Variants in DLGAP1 observed in about 807,000 individuals in gnomAD.
DLGAP1 encodes disks large-associated protein 1.
A neutral mutation model predicts 90.8 loss-of-function variants in DLGAP1; 11 were observed. The observed-to-expected ratio is 0.12, with a 90% confidence interval of 0.08 to 0.20. DLGAP1 has a LOEUF of 0.20. Among genes scored for constraint, DLGAP1 ranks in the 10% least tolerant of loss-of-function variants. DLGAP1 has a pLI of 1.00. For synonymous variants in DLGAP1, 558 were observed against 540.7 expected (o/e 1.03, Z -0.44); for missense variants, 1,050 against 1,333.8 (o/e 0.79, Z 3.31).
At chr18:4,409,449 T>C (rs539099257) in intron 1 of DLGAP1, among the ~76,000 whole-genome samples, 1 of 152,340 alleles carries the variant, frequency 6.6e-6, no homozygotes, top group East Asian at 1.9e-4. Flanking sequence ...TTCTTATCTC[T>C]ATCACAGAAT....
At chr18:3,946,876 T>A (rs1357820314) in intron 3 of DLGAP1, among the ~76,000 whole-genome samples, 1 of 152,234 alleles carries the variant, frequency 6.6e-6, no homozygotes, top group Admixed American at 6.5e-5. Context: ...TCATTTCATT[T>A]AAACCTTGAC....
At chr18:4,105,813 G>A (rs1354415870) in intron 2 of DLGAP1, among the ~76,000 whole-genome samples, 1 of 151,992 alleles carries the variant, frequency 6.6e-6, no homozygotes, top group Non-Finnish European at 1.5e-5. Flanking sequence ...GGCGGATCAT[G>A]AGGTCAGGAG....
intron 1 of DLGAP1, among the ~76,000 whole-genome samples, chr18:4,444,678 A>C (rs1374769036): frequency 1.3e-5 from 2 of 152,236 alleles, no homozygotes; most frequent in Non-Finnish European, 2.9e-5. Flanking sequence ...TGACTAGACA[A>C]GTAATTTTTA....
intron 2 of DLGAP1, among the ~76,000 whole-genome samples, chr18:4,039,039 G>GTAACTT: frequency 6.6e-6 from 1 of 152,094 alleles, no homozygotes; most frequent in African/African-American, 2.4e-5. Context: ...AGGAAAAAGA[G>GTAACTT]GGTTAACTTG....
At chr18:3,613,006 A>G (rs1329245702) in intron 7 of DLGAP1, among the ~76,000 whole-genome samples, 1 of 151,934 alleles carries the variant, frequency 6.6e-6, no homozygotes, top group Non-Finnish European at 1.5e-5. Flanking sequence ...ATGCCCGGCT[A>G]ATTTTTTTGT....
rs60379984 is a variant in DLGAP1 at position 4,354,887 on chromosome 18, C to CAA, written c.-267+100117_-267+100118dup. Among the ~76,000 whole-genome samples the CAA allele has an allele frequency of 9.0e-3, 215 of 23,872 alleles. 51 individuals carry two copies. Among genetic ancestry groups the CAA allele is most frequent in the Non-Finnish European group, 0.016 (180 of 11,476 alleles). 15.7% of individuals were successfully genotyped at this position (23,872 alleles called of 152,430 possible). A position where few individuals can be genotyped will look rare whatever the true frequency, so the allele number is the denominator to read the frequency against. On this transcript the variant is annotated intron_variant, in intron 1 of 12. Coordinates refer to ENST00000315677, the MANE Select transcript of DLGAP1 (RefSeq NM_004746.4). The stretch of plus-strand genomic sequence containing the variant: ...TGGCTTTTTCTGCAATTACTCTCAC[C>CAA]AAAAAAAAAAAAAAAAAAAAAAAAA...
In DLGAP1 at chr18:4,359,474, C is replaced by T. The variant is rs181221100; in HGVS notation, c.-267+95532G>A. Among the ~76,000 whole-genome samples the T allele has an allele frequency of 3.3e-5, 5 of 152,268 alleles. No homozygotes were observed. In the East Asian group the frequency reaches 5.8e-4, roughly 18 times the overall value. On this transcript the variant is annotated intron_variant, in intron 1 of 12. Coordinates refer to ENST00000315677, the MANE Select transcript of DLGAP1 (RefSeq NM_004746.4). ...TTTTTCCAGTCATACTTCTTCACAA[C>T]GATACACCTCTTCATCAAACTTACA...
rs140244979 is a variant in DLGAP1 at position 4,412,236 on chromosome 18, A to C, written c.-267+42770T>G. Among the ~76,000 whole-genome samples the C allele has an allele frequency of 2.2e-3, 340 of 152,258 alleles. 1 individual carries two copies. Among genetic ancestry groups the C allele is most frequent in the African/African-American group, 7.5e-3 (310 of 41,540 alleles). The stretch of plus-strand genomic sequence containing the variant: ...TGAAGAGGGGGACTGTGAGATTTGC[A>C]ATATCTCAATGGATGCACTTGAAAA... On this transcript the variant is annotated intron_variant, in intron 1 of 12. Transcript: ENST00000315677.
intron 1 of DLGAP1, among the ~76,000 whole-genome samples, chr18:4,228,501 G>A (rs1194722532): frequency 2.0e-5 from 3 of 152,018 alleles, no homozygotes; most frequent in African/African-American, 7.2e-5. Context: ...TCACGGCCAA[G>A]TGAGATTTAT....
chr18:3,943,183 T>G (rs1357693186), intron 3 of DLGAP1, among the ~76,000 whole-genome samples: 1 of 152,138 alleles, frequency 6.6e-6, no homozygotes, highest in Non-Finnish European at 1.5e-5. Flanking sequence ...TCTTATTGTC[T>G]TCCCTTTCTG....
rs952162963 is a variant in DLGAP1, at chr18:4,342,905, G to A, written c.-267+112101C>T. Among the ~76,000 whole-genome samples, 6 of 152,144 alleles carry A rather than the reference G, an allele frequency of 3.9e-5. No homozygotes were observed. The highest frequency in any genetic ancestry group is 1.4e-4 in the African/African-American group (6 of 41,446). ...GCTTTGCATAAACAATATCAGATCT[G>A]AATATGAGAGATGAAGCCAAAATTT... On this transcript the variant is annotated intron_variant, in intron 1 of 12. Transcript: ENST00000315677. This position sits in a 1 kb window ranked among gnomAD's most constrained non-coding sequence, Gnocchi z 5.8.
intron 7 of DLGAP1, among the ~76,000 whole-genome samples, chr18:3,677,204 T>C (rs1221761911): frequency 6.6e-6 from 1 of 152,200 alleles, no homozygotes; most frequent in Non-Finnish European, 1.5e-5. Flanking sequence ...GAACCACCAG[T>C]TCCATTTCTA....
chr18:3,537,709 A>G (rs964083214), intron 9 of DLGAP1, among the ~76,000 whole-genome samples: 34 of 152,196 alleles, frequency 2.2e-4, no homozygotes, highest in Admixed American at 2.2e-3. Flanking sequence ...TAGTGGCTAC[A>G]CCATTTTGCA....
intron 3 of DLGAP1, among the ~76,000 whole-genome samples, chr18:3,884,291 A>G (rs752592140): frequency 2.6e-5 from 4 of 152,236 alleles, no homozygotes; most frequent in Non-Finnish European, 4.4e-5. Flanking sequence ...TCAAATACAG[A>G]CTTATAAAAA....
chr18:4,189,956 T>C (rs1433965724), intron 1 of DLGAP1, among the ~76,000 whole-genome samples: 1 of 152,066 alleles, frequency 6.6e-6, no homozygotes. Context: ...GAATATAAAA[T>C]GGTACAGTCA....
At chr18:4,222,359 A>G (rs1203626919) in intron 1 of DLGAP1, among the ~76,000 whole-genome samples, 1 of 152,180 alleles carries the variant, frequency 6.6e-6, no homozygotes, top group Non-Finnish European at 1.5e-5. Flanking sequence ...CATGAGGCAG[A>G]GCCCGTGCCC....
intron 7 of DLGAP1, among the ~76,000 whole-genome samples, chr18:3,723,251 T>C (rs541733715): frequency 6.6e-5 from 10 of 152,338 alleles, no homozygotes; most frequent in African/African-American, 2.4e-4. Flanking sequence ...CTGATGACAG[T>C]TAATTTACAA....
intron 1 of DLGAP1, among the ~76,000 whole-genome samples, chr18:4,429,183 T>C (rs1235421487): frequency 6.6e-6 from 1 of 152,250 alleles, no homozygotes; most frequent in Non-Finnish European, 1.5e-5. Flanking sequence ...TCTTTCACTC[T>C]ATTCTCTTCC....
chr18:3,669,542 T>TATGC (rs1907852736), intron 7 of DLGAP1, among the ~76,000 whole-genome samples: 1 of 152,172 alleles, frequency 6.6e-6, no homozygotes, highest in Admixed American at 6.5e-5. Context: ...TTAGAGAGCA[T>TATGC]GTCTGCGGAA....
Sources: allele counts gnomAD v4.1 joint callset (sites outside exome capture counted in the v4.1 genomes callset), GRCh38; gene constraint gnomAD v4.1.1; non-coding constraint Gnocchi (gnomAD v3.1); transcripts MANE v1.5; gene names NCBI Gene and HGNC (gene_info 2026-07-23, HGNC 2026-07-21).